Variants in COX10 observed in about 807,000 individuals in gnomAD.
The protein encoded by COX10 is cytochrome c oxidase assembly factor heme A:farnesyltransferase COX10, also known as protoheme IX farnesyltransferase, mitochondrial.
COX10 carries 27 observed loss-of-function variants against 37.3 expected under a neutral mutation model. The ratio of observed to expected loss-of-function variants is 0.72; its 90% CI spans 0.53 to 1.00. COX10 has a LOEUF of 1.00. Among genes scored for constraint, COX10 ranks in the 50% least tolerant of loss-of-function variants. COX10 has a pLI of 0.00. For synonymous variants in COX10, 222 were observed against 229.1 expected (o/e 0.97, Z 0.28); for missense variants, 475 against 563.2 (o/e 0.84, Z 1.59).
At chr17:14,156,466 G>A (rs1226623774) in intron 4 of COX10, among the ~76,000 whole-genome samples, 1 of 152,016 alleles carries the variant, frequency 6.6e-6, no homozygotes, top group African/African-American at 2.4e-5. Context: ...CTGAACTCGT[G>A]ATCCGCCCCC....
At chr17:14,147,154 C>T (rs1904744714) in intron 4 of COX10, among the ~76,000 whole-genome samples, 1 of 152,030 alleles carries the variant, frequency 6.6e-6, no homozygotes, top group African/African-American at 2.4e-5. Flanking sequence ...AGGTATATAC[C>T]CAAAAGAAAG....
intron 5 of COX10, among the ~76,000 whole-genome samples, chr17:14,162,705 A>G (rs1905194952): frequency 6.6e-6 from 1 of 151,336 alleles, no homozygotes; most frequent in African/African-American, 2.4e-5. Flanking sequence ...TCCTTTATGT[A>G]TTAATGACTG....
At chr17:14,164,348 G>A (rs1905232799) in intron 5 of COX10, among the ~76,000 whole-genome samples, 1 of 152,160 alleles carries the variant, frequency 6.6e-6, no homozygotes, top group Admixed American at 6.5e-5. Flanking sequence ...TAACTGTTAT[G>A]CCCATGTGAC....
chr17:14,189,820 T>G (rs1033999703), intron 5 of COX10, among the ~76,000 whole-genome samples: 2 of 152,196 alleles, frequency 1.3e-5, no homozygotes, highest in East Asian at 1.9e-4. Flanking sequence ...ATGGAAGAGA[T>G]AAAGGCAAGG....
Position 14,069,524 on chromosome 17 carries a change from G to A in COX10, c.-82G>A. On this transcript the variant is annotated 5_prime_UTR_variant, in exon 1 of 7. Transcript: ENST00000261643. ...CCGGAACTACTCCCACAGGGGGGCG[G>A]GGAAGGAAGATGGCGGCGCCCAGCG... 1 of 1,548,178 alleles carries A rather than the reference G, an allele frequency of 6.5e-7. No individual in the cohort carries two copies. The highest frequency in any genetic ancestry group is 8.9e-7 in the Non-Finnish European group (1 of 1,125,940).
intron 4 of COX10, among the ~76,000 whole-genome samples, chr17:14,151,176 G>A (rs1904881899): frequency 1.3e-5 from 2 of 152,108 alleles, no homozygotes; most frequent in South Asian, 4.1e-4. Flanking sequence ...TAGGAAATGT[G>A]GTTTAAGTAT....
intron 5 of COX10, among the ~76,000 whole-genome samples, chr17:14,163,781 A>G (rs1490513811): frequency 6.6e-6 from 1 of 152,162 alleles, no homozygotes; most frequent in African/African-American, 2.4e-5. Context: ...GTTGCTCATA[A>G]TCTATCCCTG....
intron 4 of COX10, among the ~76,000 whole-genome samples, chr17:14,131,141 G>A (rs1206013972): frequency 1.3e-5 from 2 of 152,098 alleles, no homozygotes; most frequent in Non-Finnish European, 2.9e-5. Flanking sequence ...TTGATTTGTA[G>A]ACATCATAAA....
intron 4 of COX10, among the ~76,000 whole-genome samples, chr17:14,104,701 G>A (rs948917245): frequency 2.0e-5 from 3 of 151,364 alleles, no homozygotes; most frequent in African/African-American, 7.3e-5. Context: ...AGTATTCTTT[G>A]TACTCTATTT....
Position 14,207,225 on chromosome 17 carries a change from C to G in COX10, c.*12C>G. 6.4e-7 allele frequency: 1 copy of G among 1,568,654 alleles called. No homozygotes were observed. Among genetic ancestry groups the G allele is most frequent in the Non-Finnish European group, 8.6e-7 (1 of 1,161,030 alleles). ...CCCCTCCCAGCTGAGAGCACTGGGA[C>G]GCCCACCGCCCCTTTCCCTCCGCTG... On this transcript the variant is annotated 3_prime_UTR_variant, in exon 7 of 7. Transcript: ENST00000261643.
intron 4 of COX10, among the ~76,000 whole-genome samples, chr17:14,141,825 T>C (rs1284292406): frequency 6.6e-6 from 1 of 152,224 alleles, no homozygotes; most frequent in Non-Finnish European, 1.5e-5. Context: ...TTGCCACATA[T>C]AATTTAGAAT....
At position 14,102,126 on chromosome 17, in the gene COX10, G is replaced by T. The variant is rs1567591456; in HGVS notation, c.508G>T (p.Val170Leu). 1.9e-6 allele frequency: 3 copies of T among 1,613,620 alleles called. No individual in the cohort carries two copies. Among genetic ancestry groups the T allele is most frequent in the Non-Finnish European group, 2.5e-6 (3 of 1,179,686 alleles). ...LSKIKLTALVVSTTAAGFALA... is the reference protein window; with the variant it reads ...LSKIKLTALVLSTTAAGFALA... ...CTGTTTCTGTATCGCAGCTCTGGTT[G>T]TAAGTACCACTGCAGCTGGATTTGC... Residue 170 changes from valine (V) to leucine (L), a missense_variant, in exon 4 of 7, where the codon GTA (valine) becomes TTA (leucine). Val to Leu is a conservative substitution (Grantham distance 32). Coordinates refer to ENST00000261643, the MANE Select transcript of COX10 (RefSeq NM_001303.4).
intron 6 of COX10, among the ~76,000 whole-genome samples, chr17:14,195,200 C>A (rs931255261): frequency 6.6e-6 from 1 of 152,172 alleles, no homozygotes; most frequent in African/African-American, 2.4e-5. Flanking sequence ...TTGAGATAAG[C>A]AGCAAATACT....
At chr17:14,115,983 A>G (rs1438938610) in intron 4 of COX10, among the ~76,000 whole-genome samples, 1 of 152,214 alleles carries the variant, frequency 6.6e-6, no homozygotes, top group East Asian at 1.9e-4. Flanking sequence ...CTATACATGC[A>G]GTAAAATTAC....
rs1427970712 is a variant in COX10 at position 14,175,089 on chromosome 17, G to C, written c.695+15142G>C. 1.2e-4 allele frequency among the ~76,000 whole-genome samples: 10 copies of C among 80,816 alleles called. 3 individuals carry two copies. The highest frequency in any genetic ancestry group is 9.3e-4 in the East Asian group (3 of 3,236). The allele number at this position is 80,816 out of a possible 152,430, so 53.0% of individuals were successfully genotyped here. A position where few individuals can be genotyped will look rare whatever the true frequency, so the allele number is the denominator to read the frequency against. On this transcript the variant is annotated intron_variant, in intron 5 of 6. Coordinates refer to ENST00000261643, the MANE Select transcript of COX10 (RefSeq NM_001303.4). ...AGTGGTTACTGGGAAATAGCGGGGG[G>C]GGGGGGGGTGGATAGGAGGGAATTG...
chr17:14,104,469 A>T (rs972095649), intron 4 of COX10, among the ~76,000 whole-genome samples: 1 of 152,152 alleles, frequency 6.6e-6, no homozygotes, highest in African/African-American at 2.4e-5. Flanking sequence ...ATAAAGAAAT[A>T]GTCCTTAGCA....
intron 4 of COX10, among the ~76,000 whole-genome samples, chr17:14,108,342 C>G (rs1488808890): frequency 6.6e-6 from 1 of 152,116 alleles, no homozygotes; most frequent in Non-Finnish European, 1.5e-5. Flanking sequence ...AAAGATAGTT[C>G]TTTTGAAAGA....
At chr17:14,188,225 T>A (rs1043348557) in intron 5 of COX10, among the ~76,000 whole-genome samples, 16 of 116,680 alleles carry the variant, frequency 1.4e-4, no homozygotes, top group African/African-American at 4.8e-4. Context: ...AAAAAAAAAA[T>A]CTGTTCTTAT....
rs1485663107 is a variant in COX10 at position 14,076,726 on chromosome 17, T to G, written c.178-9T>G. 1.7e-5 allele frequency: 28 copies of G among 1,614,032 alleles called. No homozygotes were observed. Among genetic ancestry groups the G allele is most frequent in the African/African-American group, 4.0e-5 (3 of 74,936 alleles). On this transcript the variant is annotated splice_polypyrimidine_tract_variant and intron_variant, in intron 2 of 6. Coordinates refer to ENST00000261643, the MANE Select transcript of COX10 (RefSeq NM_001303.4). ...TTGGTTTTATAGTAATGTGTGCTTT[T>G]TTGTTTAGTATGTCACACAGCTGAA...
Sources: allele counts gnomAD v4.1 joint callset (sites outside exome capture counted in the v4.1 genomes callset), GRCh38; gene constraint gnomAD v4.1.1; transcripts MANE v1.5; gene names NCBI Gene and HGNC (gene_info 2026-07-23, HGNC 2026-07-21).